Variants in KDM4C observed in about 807,000 individuals in gnomAD.
KDM4C encodes lysine-specific demethylase 4C.
Under a neutral mutation model 129.3 loss-of-function variants are expected in KDM4C, and 81 were observed. The ratio of observed to expected loss-of-function variants is 0.63; its 90% CI spans 0.52 to 0.75. The LOEUF (loss-of-function observed/expected upper bound fraction) is 0.75. Ranked by LOEUF, KDM4C falls within the 30% of genes least tolerant of loss-of-function variation. KDM4C has a pLI of 0.00. For synonymous variants in KDM4C, 573 were observed against 456.1 expected (o/e 1.26, Z -3.26); for missense variants, 1,457 against 1,304.0 (o/e 1.12, Z -1.81).
intron 15 of KDM4C, among the ~76,000 whole-genome samples, chr9:7,027,964 A>T (rs1398254677): frequency 6.6e-6 from 1 of 152,172 alleles, no homozygotes; most frequent in African/African-American, 2.4e-5. Context: ...GAATAGTGCC[A>T]GCCTGGGACT....
chr9:7,099,977 G>T (rs2133118670), intron 17 of KDM4C, among the ~76,000 whole-genome samples: 1 of 151,738 alleles, frequency 6.6e-6, no homozygotes, highest in African/African-American at 2.4e-5. Context: ...GAGGAGTTTG[G>T]GGGTTGATTC....
At chr9:7,079,944 A>T (rs961064470) in intron 17 of KDM4C, among the ~76,000 whole-genome samples, 1 of 152,156 alleles carries the variant, frequency 6.6e-6, no homozygotes, top group Non-Finnish European at 1.5e-5. Context: ...TTACAGAATA[A>T]ATGCATCACT....
intron 15 of KDM4C, among the ~76,000 whole-genome samples, chr9:7,038,480 G>C (rs1200748175): frequency 6.6e-6 from 1 of 152,004 alleles, no homozygotes; most frequent in Admixed American, 6.6e-5. Flanking sequence ...TAGTATCCCA[G>C]TGGCTGTGGA....
intron 17 of KDM4C, among the ~76,000 whole-genome samples, chr9:7,054,960 A>G (rs1830672118): frequency 6.6e-6 from 1 of 152,112 alleles, no homozygotes; most frequent in Non-Finnish European, 1.5e-5. Flanking sequence ...GTCATTGCAT[A>G]ACAAACTTAG....
At chr9:6,795,013 C>G (rs1031391264) in intron 2 of KDM4C, among the ~76,000 whole-genome samples, 1 of 152,122 alleles carries the variant, frequency 6.6e-6, no homozygotes, top group African/African-American at 2.4e-5. Context: ...TATTATTGTT[C>G]TAAATGTTAA....
chr9:6,995,317 A>G, intron 12 of KDM4C, among the ~76,000 whole-genome samples: 1 of 152,244 alleles, frequency 6.6e-6, no homozygotes, highest in African/African-American at 2.4e-5. Context: ...GTGTGTACAT[A>G]CACCTGTATG....
At position 6,824,130 on chromosome 9, in the gene KDM4C, G is replaced by T. The variant is rs575315918; in HGVS notation, c.435+9385G>T. Reference sequence around the variant, plus strand: ...GTCTTTGATTTGGACAGTGAATATTGGGTAAAAAAATTATTGTAGCAAATA... The same window carrying T: ...GTCTTTGATTTGGACAGTGAATATTTGGTAAAAAAATTATTGTAGCAAATA... On this transcript the variant is annotated intron_variant, in intron 4 of 21. Coordinates refer to ENST00000381309, the MANE Select transcript of KDM4C (RefSeq NM_015061.6). 1.4e-4 allele frequency among the ~76,000 whole-genome samples: 22 copies of T among 152,278 alleles called. No individual in the cohort carries two copies. In the South Asian group the frequency reaches 3.7e-3, roughly 26 times the overall value.
At chr9:7,165,588 A>G (rs1219358543) in intron 20 of KDM4C, among the ~76,000 whole-genome samples, 2 of 152,238 alleles carry the variant, frequency 1.3e-5, no homozygotes, top group Non-Finnish European at 2.9e-5. Context: ...GTTTAATTGT[A>G]AGGAATATGG....
chr9:6,746,898 C>G (rs1161650664), intron 1 of KDM4C, among the ~76,000 whole-genome samples: 1 of 140,038 alleles, frequency 7.1e-6, no homozygotes, highest in African/African-American at 2.6e-5. Flanking sequence ...CCCAGCTACT[C>G]GGGAGGCTGA....
chr9:7,045,640 T>TGAGCTG (rs1410706923), intron 15 of KDM4C, among the ~76,000 whole-genome samples: 1 of 152,030 alleles, frequency 6.6e-6, no homozygotes, highest in African/African-American at 2.4e-5. Context: ...GTTAACTCCT[T>TGAGCTG]GAGCTGGGTT....
chr9:6,777,282 A>G (rs1823287488), intron 1 of KDM4C, among the ~76,000 whole-genome samples: 1 of 152,186 alleles, frequency 6.6e-6, no homozygotes, highest in East Asian at 1.9e-4. Flanking sequence ...CCTTTCTGCC[A>G]CTTACGTTCT....
intron 4 of KDM4C, among the ~76,000 whole-genome samples, chr9:6,843,664 A>G (rs1438450495): frequency 6.6e-6 from 1 of 152,184 alleles, no homozygotes; most frequent in East Asian, 1.9e-4. Flanking sequence ...TGGAGCCAGC[A>G]TTTGGTTGGA....
chr9:7,165,145 C>T lies in KDM4C; in HGVS notation c.2782-93C>T, dbSNP rs148110547. Reference sequence around the variant, plus strand: ...TCCATAAAACACAGAGGCAATAACTCCTTTTAATTGCCAGGAGTTCATCAT... The same window carrying T: ...TCCATAAAACACAGAGGCAATAACTTCTTTTAATTGCCAGGAGTTCATCAT... On this transcript the variant is annotated intron_variant, in intron 19 of 21. Transcript: ENST00000381309. 4 of 1,458,212 alleles carry T rather than the reference C, an allele frequency of 2.7e-6. No individual in the cohort carries two copies. The South Asian group carries it at 3.8e-5, about 14-fold the overall frequency. 90.3% of individuals were successfully genotyped at this position (1,458,212 alleles called of 1,614,324 possible).
In KDM4C at chr9:6,856,801, A is replaced by C. The variant is rs977378344; in HGVS notation, c.629+7101A>C. 3.6e-4 allele frequency among the ~76,000 whole-genome samples: 49 copies of C among 134,478 alleles called. 1 individual carries two copies. Among genetic ancestry groups the C allele is most frequent in the African/African-American group, 1.3e-3 (47 of 34,820 alleles). The allele number at this position is 134,478 out of a possible 152,430, so 88.2% of individuals were successfully genotyped here. ...AGTCTCGCTCTGTCGCCCAGGCCGG[A>C]CTGCGGACTGCAGTGGCGCAATCTC... On this transcript the variant is annotated intron_variant, in intron 5 of 21. Transcript: ENST00000381309.
intron 3 of KDM4C, among the ~76,000 whole-genome samples, chr9:6,812,591 A>G (rs1033163003): frequency 6.6e-6 from 1 of 152,280 alleles, no homozygotes; most frequent in Middle Eastern, 3.4e-3. Context: ...TCATACTCCT[A>G]TGAGAATCTA....
intron 17 of KDM4C, among the ~76,000 whole-genome samples, chr9:7,053,465 TC>T (rs1362735284): frequency 6.6e-6 from 1 of 152,186 alleles, no homozygotes; most frequent in East Asian, 1.9e-4. Context: ...GATTTATTGA[TC>T]CTAAAATGGT....
intron 19 of KDM4C, among the ~76,000 whole-genome samples, chr9:7,160,903 T>C (rs1263154152): frequency 2.0e-5 from 3 of 152,230 alleles, no homozygotes; most frequent in African/African-American, 7.2e-5. Context: ...AGAAGTTGTC[T>C]GCTGTCTTTT....
rs116752984 is a variant in KDM4C, at chr9:6,989,215, C to T, written c.1678-1201C>T. ...CCTAGCTTTGATTACAATGGTCTTA[C>T]ACATTTTCTTAGAATCATGTGTTGG... On this transcript the variant is annotated intron_variant, in intron 11 of 21. Transcript: ENST00000381309. Among the ~76,000 whole-genome samples the T allele has an allele frequency of 1.9e-3, 295 of 152,326 alleles. 3 individuals are homozygous for T. The highest frequency in any genetic ancestry group is 6.9e-3 in the African/African-American group (287 of 41,568).
intron 1 of KDM4C, among the ~76,000 whole-genome samples, chr9:6,762,805 C>T (rs1819822354): frequency 6.6e-6 from 1 of 151,610 alleles, no homozygotes; most frequent in South Asian, 2.1e-4. Flanking sequence ...ATTACAGGCA[C>T]CTGCCATCAC....
Sources: allele counts gnomAD v4.1 joint callset (sites outside exome capture counted in the v4.1 genomes callset), GRCh38; gene constraint gnomAD v4.1.1; transcripts MANE v1.5; gene names NCBI Gene and HGNC (gene_info 2026-07-23, HGNC 2026-07-21).